The following CCDC126 variants were observed in gnomAD, a reference collection of about 807,000 sequenced individuals.
The protein encoded by CCDC126 is coiled-coil domain containing 126.
In CCDC126, 5 loss-of-function variants were observed where a neutral mutation model predicts 11.7. That is an observed-to-expected ratio of 0.43 (90% CI 0.22 to 0.90). The LOEUF (loss-of-function observed/expected upper bound fraction) is 0.90, where lower values mean the gene tolerates loss of function less well. Among genes scored for constraint, CCDC126 ranks in the 40% least tolerant of loss-of-function variants. The pLI, the probability that CCDC126 is intolerant of heterozygous loss-of-function variation, is 0.27. For synonymous variants in CCDC126, 60 were observed against 61.9 expected (o/e 0.97, Z 0.14); for missense variants, 150 against 163.1 (o/e 0.92, Z 0.44).
At chr7:23,605,546 A>G (rs762141436) in intron 2 of CCDC126, among the ~76,000 whole-genome samples, 6 of 152,206 alleles carry the variant, frequency 3.9e-5, no homozygotes, top group Non-Finnish European at 5.9e-5. Flanking sequence ...ACTACCATCC[A>G]TCTCCAGAGC....
At chr7:23,618,154 T>C (rs1481632934) in intron 3 of CCDC126, among the ~76,000 whole-genome samples, 2 of 152,238 alleles carry the variant, frequency 1.3e-5, no homozygotes, top group African/African-American at 2.4e-5. Context: ...TGTGATAATA[T>C]GCAGAATATT....
At position 23,643,544 on chromosome 7, in the gene CCDC126, T is replaced by C. The variant is rs1783403096; in HGVS notation, c.*429T>C. 1 of 154,764 alleles carries C rather than the reference T, an allele frequency of 6.5e-6. No individual in the cohort carries two copies. The highest frequency in any genetic ancestry group is 1.4e-5 in the Non-Finnish European group (1 of 69,572). The allele number at this position is 154,764 out of a possible 1,614,324, so 9.6% of individuals were successfully genotyped here. Reference sequence around the variant, plus strand: ...ATTTGTTCTCAATAGATGTAACTGTTAGACTACGGCTATTTGAAAAAATGT... The same window carrying C: ...ATTTGTTCTCAATAGATGTAACTGTCAGACTACGGCTATTTGAAAAAATGT... On this transcript the variant is annotated 3_prime_UTR_variant, in exon 4 of 4. Coordinates refer to ENST00000307471, the MANE Select transcript of CCDC126 (RefSeq NM_138771.4).
chr7:23,598,596 C>G (rs553527839), intron 2 of CCDC126: 5 of 152,326 alleles, frequency 3.3e-5, no homozygotes, highest in African/African-American at 9.6e-5. Flanking sequence ...TTTGTTTCGT[C>G]AGAGTAGGCA....
chr7:23,642,326 C>T (rs1003739394), intron 3 of CCDC126, among the ~76,000 whole-genome samples: 1 of 152,092 alleles, frequency 6.6e-6, no homozygotes, highest in Non-Finnish European at 1.5e-5. Context: ...TTAAGAAACT[C>T]AAGGTAAATG....
At position 23,643,208 on chromosome 7, in the gene CCDC126, C is replaced by A; in HGVS notation, c.*93C>A. 1 of 1,062,026 alleles carries A rather than the reference C, an allele frequency of 9.4e-7. No individual in the cohort carries two copies. The highest frequency in any genetic ancestry group is 1.3e-6 in the Non-Finnish European group (1 of 742,666). The allele number at this position is 1,062,026 out of a possible 1,614,324, so 65.8% of individuals were successfully genotyped here. A position where few individuals can be genotyped will look rare whatever the true frequency, so the allele number is the denominator to read the frequency against. On this transcript the variant is annotated 3_prime_UTR_variant, in exon 4 of 4. Transcript: ENST00000307471. ...ATTGCTGGCTTAGGACAGAGCAATA[C>A]TTTACAATAAAAGCTCTACACATTT...
chr7:23,624,583 T>C (rs967869591), intron 3 of CCDC126, among the ~76,000 whole-genome samples: 1 of 152,260 alleles, frequency 6.6e-6, no homozygotes, highest in Non-Finnish European at 1.5e-5. Context: ...GGGTTGTATA[T>C]GGTGTCTGTT....
intron 3 of CCDC126, among the ~76,000 whole-genome samples, chr7:23,631,666 C>G (rs1783117123): frequency 6.6e-6 from 1 of 151,836 alleles, no homozygotes; most frequent in African/African-American, 2.4e-5. Context: ...GAGGCTGAGG[C>G]AGGAGAATTG....
intron 3 of CCDC126, 71 bp downstream of exon 3, chr7:23,611,624 A>G (rs1713689982): frequency 1.9e-6 from 2 of 1,075,712 alleles, no homozygotes; most frequent in Admixed American, 1.9e-5. Flanking sequence ...AATTGAACTT[A>G]TTACTTCATG....
chr7:23,605,399 TTGTGTGTGTGTGTGTGTGTGTGTGTGTG>T (rs3219575), intron 2 of CCDC126, among the ~76,000 whole-genome samples: 2 of 148,824 alleles, frequency 1.3e-5, no homozygotes, highest in African/African-American at 5.0e-5. Context: ...TGTGATATGC[TTGTGTGTGTGTGTGTGTGTGTGTGTGTG>T]TGTGTGTGTG....
chr7:23,622,838 C>A (rs761542172), intron 3 of CCDC126: 5 of 412,664 alleles, frequency 1.2e-5, no homozygotes, highest in Non-Finnish European at 2.4e-5. Context: ...TCTTACAAGA[C>A]ACAATTCCTC....
At chr7:23,614,664 C>T (rs1782767948) in intron 3 of CCDC126, among the ~76,000 whole-genome samples, 1 of 152,148 alleles carries the variant, frequency 6.6e-6, no homozygotes, top group African/African-American at 2.4e-5. Flanking sequence ...CAAATGACTC[C>T]TTTATCGATG....
In CCDC126 at chr7:23,606,103, G is replaced by A. The variant is rs189669514; in HGVS notation, c.-145-5068G>A. ...AGACCGAGTCTTGCTCTGTCGCCCAGGCTGGAGTGCAGTCGCGTGATCTCT... is the reference window on the plus strand; with the variant it reads ...AGACCGAGTCTTGCTCTGTCGCCCAAGCTGGAGTGCAGTCGCGTGATCTCT... On this transcript the variant is annotated intron_variant, in intron 2 of 3. Coordinates refer to ENST00000307471, the MANE Select transcript of CCDC126 (RefSeq NM_138771.4). Among the ~76,000 whole-genome samples the A allele has an allele frequency of 7.2e-5, 11 of 152,090 alleles. No individual in the cohort carries two copies. The East Asian group carries it at 2.1e-3, about 29-fold the overall frequency.
At chr7:23,632,019 T>A (rs1217041856) in intron 3 of CCDC126, among the ~76,000 whole-genome samples, 1 of 151,480 alleles carries the variant, frequency 6.6e-6, no homozygotes, top group African/African-American at 2.4e-5. Flanking sequence ...TTCCCCCAAA[T>A]ATAGATGTGA....
intron 3 of CCDC126, among the ~76,000 whole-genome samples, chr7:23,612,169 A>G (rs971675129): frequency 2.7e-5 from 4 of 149,492 alleles, no homozygotes; most frequent in African/African-American, 9.9e-5. Context: ...AAAAAAATGT[A>G]TCTTGGGCTG....
At chr7:23,601,516 G>C (rs982194891) in intron 2 of CCDC126, among the ~76,000 whole-genome samples, 4 of 152,188 alleles carry the variant, frequency 2.6e-5, no homozygotes, top group African/African-American at 9.7e-5. Context: ...TTTGAAAATT[G>C]CTCATTGCAA....
At chr7:23,630,357 C>T (rs192066742) in intron 3 of CCDC126, among the ~76,000 whole-genome samples, 28 of 151,968 alleles carry the variant, frequency 1.8e-4, no homozygotes, top group African/African-American at 6.3e-4. Flanking sequence ...AAATTAGCTG[C>T]TTGTGGTTGT....
intron 2 of CCDC126, among the ~76,000 whole-genome samples, chr7:23,600,178 T>C (rs2128013293): frequency 6.6e-6 from 1 of 152,336 alleles, no homozygotes; most frequent in South Asian, 2.1e-4. Context: ...TTTACCATTT[T>C]TCTTTTATCT....
chr7:23,608,448 C>T (rs964460795), intron 2 of CCDC126, among the ~76,000 whole-genome samples: 1 of 152,142 alleles, frequency 6.6e-6, no homozygotes, highest in Admixed American at 6.5e-5. Flanking sequence ...CATAAACTTT[C>T]TTAAAACACT....
chr7:23,625,383 A>G (rs1782995473), intron 3 of CCDC126, among the ~76,000 whole-genome samples: 1 of 152,192 alleles, frequency 6.6e-6, no homozygotes, highest in South Asian at 2.1e-4. Flanking sequence ...ATTGCCCTCC[A>G]GAATGGTTCT....
Sources: gnomAD v4.1 joint callset for allele counts (sites outside exome capture counted in the v4.1 genomes callset) on GRCh38, gnomAD v4.1.1 for gene constraint, MANE v1.5 for transcripts, NCBI Gene and HGNC (gene_info 2026-07-23, HGNC 2026-07-21) for gene names.